TSHZ2: variants seen among roughly 807,000 people sequenced by gnomAD.
TSHZ2 encodes teashirt homolog 2.
In TSHZ2, 21 loss-of-function variants were observed where a neutral mutation model predicts 74.4. The ratio of observed to expected loss-of-function variants is 0.28; its 90% confidence interval spans 0.20 to 0.41. TSHZ2 has a LOEUF of 0.41. Among genes scored for constraint, TSHZ2 ranks in the 10% least tolerant of loss-of-function variants. TSHZ2 has a pLI of 1.00. For missense variants in TSHZ2, 1,244 were observed against 1,293.5 expected (o/e 0.96, Z 0.59); for synonymous variants, 540 against 515.3 (o/e 1.05, Z -0.65).
chr20:53,473,891 G>A (rs1985908486), intron 2 of TSHZ2, among the ~76,000 whole-genome samples: 1 of 152,144 alleles, frequency 6.6e-6, no homozygotes, highest in African/African-American at 2.4e-5. Flanking sequence ...GCAATCAACT[G>A]GAAGAAAGGG....
At chr20:53,063,903 A>AGTT (rs1348704440) in intron 1 of TSHZ2, among the ~76,000 whole-genome samples, 1 of 152,148 alleles carries the variant, frequency 6.6e-6, no homozygotes, top group Non-Finnish European at 1.5e-5. Context: ...TCTGAAATAG[A>AGTT]CCCATCTGAA....
intron 2 of TSHZ2, among the ~76,000 whole-genome samples, chr20:53,285,538 C>A (rs1991148221): frequency 1.3e-5 from 2 of 151,966 alleles, no homozygotes; most frequent in Non-Finnish European, 2.9e-5. Context: ...GGTGAAACCC[C>A]ATCTCTACTA....
At chr20:53,314,460 C>T (rs1978917842) in intron 2 of TSHZ2, among the ~76,000 whole-genome samples, 1 of 152,160 alleles carries the variant, frequency 6.6e-6, no homozygotes, top group East Asian at 1.9e-4. Context: ...CTTGGTGGGG[C>T]ATGATCTGGA....
chr20:53,211,663 A>G (rs576627509), intron 1 of TSHZ2, among the ~76,000 whole-genome samples: 2 of 152,306 alleles, frequency 1.3e-5, no homozygotes, highest in South Asian at 2.1e-4. Flanking sequence ...GCAGTGAGTT[A>G]CAATTATGCC....
At chr20:52,984,532 G>A (rs1213801678) in intron 1 of TSHZ2, among the ~76,000 whole-genome samples, 1 of 152,216 alleles carries the variant, frequency 6.6e-6, no homozygotes, top group Non-Finnish European at 1.5e-5. Context: ...GGGAGGAACA[G>A]GAGGAGCAGC....
chr20:53,372,686 A>G (rs760129534), intron 2 of TSHZ2, among the ~76,000 whole-genome samples: 20 of 152,156 alleles, frequency 1.3e-4, no homozygotes, highest in Non-Finnish European at 2.4e-4. Flanking sequence ...AGGAACTTTC[A>G]TCAACTTCCA....
In TSHZ2 at chr20:53,357,608, AT is replaced by A. The variant is rs989350283; in HGVS notation, c.*8+101044del. ...AGCTCTTGATACAAAATTTTTTAGA[AT>A]TTTTTTGTGCTCAAGAAACAATTAC... is the stretch of plus-strand genomic sequence containing the variant. On this transcript the variant is annotated intron_variant, in intron 2 of 2. Coordinates refer to ENST00000371497, the MANE Select transcript of TSHZ2 (RefSeq NM_173485.6). Among the ~76,000 whole-genome samples, 4 of 152,346 alleles carry A rather than the reference AT, an allele frequency of 2.6e-5. No homozygotes were observed. The South Asian group carries it at 8.3e-4, about 32-fold the overall frequency.
intron 2 of TSHZ2, among the ~76,000 whole-genome samples, chr20:53,348,418 T>C (rs978943354): frequency 6.6e-6 from 1 of 151,558 alleles, no homozygotes. Context: ...TAAATACAAG[T>C]GGAATAAATG....
chr20:53,369,717 A>C (rs1203532740), intron 2 of TSHZ2, among the ~76,000 whole-genome samples: 1 of 152,034 alleles, frequency 6.6e-6, no homozygotes, highest in East Asian at 1.9e-4. Flanking sequence ...TCTCAAAAAA[A>C]AGAAAAAAGT....
chr20:53,365,967 C>G (rs769264910), intron 2 of TSHZ2, among the ~76,000 whole-genome samples: 11 of 152,204 alleles, frequency 7.2e-5, no homozygotes, highest in Non-Finnish European at 1.5e-4. Context: ...TAATCCTCAA[C>G]CTTGGAGATT....
chr20:52,977,421 TACACACACACAC>T (rs36230826), intron 1 of TSHZ2, among the ~76,000 whole-genome samples: 3,719 of 141,464 alleles, frequency 0.026, 59 homozygotes, highest in Non-Finnish European at 0.035. Flanking sequence ...AATGGAAAAA[TACACACACACAC>T]ACACACACAC....
chr20:53,377,893 G>A (rs6022431), intron 2 of TSHZ2, among the ~76,000 whole-genome samples: 5,879 of 151,832 alleles, frequency 0.039, 413 homozygotes, highest in African/African-American at 0.13. Context: ...GCCAAGTCCC[G>A]TGGCCAGAGT....
chr20:53,317,398 A>C (rs1382815312), intron 2 of TSHZ2, among the ~76,000 whole-genome samples: 1 of 152,202 alleles, frequency 6.6e-6, no homozygotes, highest in Non-Finnish European at 1.5e-5. Context: ...TATTGATTGC[A>C]TTGATCTCTG....
intron 1 of TSHZ2, among the ~76,000 whole-genome samples, chr20:53,000,387 G>C (rs1182801348): frequency 6.6e-6 from 1 of 152,094 alleles, no homozygotes; most frequent in Non-Finnish European, 1.5e-5. Context: ...CCAACTTGTT[G>C]TATGTGTAGG....
At chr20:53,060,504 G>A (rs774005353) in intron 1 of TSHZ2, among the ~76,000 whole-genome samples, 4 of 152,106 alleles carry the variant, frequency 2.6e-5, no homozygotes, top group African/African-American at 4.8e-5. Flanking sequence ...TTTTCTACAC[G>A]GTGCTAGGCA....
At chr20:53,433,757 C>A (rs936656348) in intron 2 of TSHZ2, among the ~76,000 whole-genome samples, 1 of 152,192 alleles carries the variant, frequency 6.6e-6, no homozygotes, top group Non-Finnish European at 1.5e-5. Flanking sequence ...CTTTTCTCAT[C>A]CTGTAACCAG....
chr20:53,011,985 G>A (rs1395271042), intron 1 of TSHZ2, among the ~76,000 whole-genome samples: 3 of 152,178 alleles, frequency 2.0e-5, no homozygotes, highest in Non-Finnish European at 4.4e-5. Flanking sequence ...GAAGCACAGA[G>A]AATTGAGAAA....
chr20:52,976,504 A>G (rs1338460640), intron 1 of TSHZ2, among the ~76,000 whole-genome samples: 1 of 152,212 alleles, frequency 6.6e-6, no homozygotes, highest in East Asian at 1.9e-4. Context: ...CAGTACCAGC[A>G]TTTTCCCCTT....
At chr20:53,181,232 G>T (rs78491673) in intron 1 of TSHZ2, among the ~76,000 whole-genome samples, 1,614 of 152,122 alleles carry the variant, frequency 0.011, 25 homozygotes, top group African/African-American at 0.037. Context: ...AAATGATATT[G>T]TTCATGGGTG....
Sources: allele counts gnomAD v4.1 joint callset (sites outside exome capture counted in the v4.1 genomes callset), GRCh38; gene constraint gnomAD v4.1.1; transcripts MANE v1.5; gene names NCBI Gene and HGNC (gene_info 2026-07-23, HGNC 2026-07-21).